TCEA3: variants seen among roughly 807,000 people sequenced by gnomAD.
The protein encoded by TCEA3 is transcription elongation factor A3.
TCEA3 carries 36 observed loss-of-function variants against 44.0 expected under a neutral mutation model. The ratio of observed to expected loss-of-function variants is 0.82; its 90% CI spans 0.63 to 1.08. TCEA3 has a LOEUF of 1.08. Ranked by LOEUF, TCEA3 falls within the 50% of genes least tolerant of loss-of-function variation. TCEA3 has a pLI of 0.00. For synonymous variants in TCEA3, 162 were observed against 159.7 expected (o/e 1.01, Z -0.11); for missense variants, 392 against 441.2 (o/e 0.89, Z 1.00).
intron 1 of TCEA3, among the ~76,000 whole-genome samples, chr1:23,420,193 G>A (rs1640015120): frequency 6.6e-6 from 1 of 152,220 alleles, no homozygotes; most frequent in Non-Finnish European, 1.5e-5. Flanking sequence ...TCGTGGATCA[G>A]TAGTTCCTTT....
At chr1:23,422,800 C>A (rs539049062) in intron 1 of TCEA3, among the ~76,000 whole-genome samples, 3 of 152,258 alleles carry the variant, frequency 2.0e-5, no homozygotes, top group East Asian at 3.9e-4. Context: ...AGAGGAAACT[C>A]GAGGTCCAGA....
chr1:23,408,791 G>A, intron 4 of TCEA3, 65 bp from the exon 5 acceptor site: 3 of 1,459,582 alleles, frequency 2.1e-6, no homozygotes, highest in Non-Finnish European at 1.9e-6. Context: ...CAGGAAGGTG[G>A]GGAGAAAGCA....
chr1:23,422,949 C>T (rs777077205), intron 1 of TCEA3, among the ~76,000 whole-genome samples: 3 of 152,208 alleles, frequency 2.0e-5, no homozygotes, highest in Non-Finnish European at 4.4e-5. Flanking sequence ...CCACCCTACC[C>T]CTCTTACCCA....
At chr1:23,410,677 G>A (rs972030193) in intron 4 of TCEA3, among the ~76,000 whole-genome samples, 1 of 151,892 alleles carries the variant, frequency 6.6e-6, no homozygotes, top group Non-Finnish European at 1.5e-5. Context: ...TGGTGTGCAC[G>A]TGTAATCCCA....
intron 1 of TCEA3, among the ~76,000 whole-genome samples, 189 bp downstream of exon 1, chr1:23,424,376 C>T (rs1640155610): frequency 1.3e-5 from 2 of 152,022 alleles, no homozygotes; most frequent in African/African-American, 4.8e-5. Flanking sequence ...GCCACGCACA[C>T]GCCCACCTCG....
intron 5 of TCEA3, among the ~76,000 whole-genome samples, chr1:23,408,220 C>A (rs534982419): frequency 2.0e-5 from 3 of 152,298 alleles, no homozygotes; most frequent in Admixed American, 2.0e-4. Flanking sequence ...CCTCGGCCTT[C>A]CAAAGTGCTG....
chr1:23,385,296 C>A (rs1387150884), intron 9 of TCEA3, among the ~76,000 whole-genome samples: 1 of 152,232 alleles, frequency 6.6e-6, no homozygotes, highest in Non-Finnish European at 1.5e-5. Context: ...ATGCCCGCCA[C>A]CCTCCTTGGG....
chr1:23,383,313 C>T (rs116215086), intron 10 of TCEA3: 14,127 of 547,338 alleles, frequency 0.026, 217 homozygotes, highest in South Asian at 0.057. Context: ...AAGAATTGAT[C>T]AGGAAGTCGG....
At chr1:23,404,795 CA>C (rs879548953) in intron 5 of TCEA3, among the ~76,000 whole-genome samples, 67 of 149,960 alleles carry the variant, frequency 4.5e-4, no homozygotes, top group African/African-American at 1.1e-3. Context: ...TCTGTCTCTA[CA>C]AAAAAAAAAT....
intron 1 of TCEA3, among the ~76,000 whole-genome samples, chr1:23,421,899 C>T (rs569944601): frequency 3.3e-5 from 5 of 152,294 alleles, no homozygotes; most frequent in South Asian, 2.1e-4. Flanking sequence ...GTGTATGCCT[C>T]GTGTGTCACA....
intron 9 of TCEA3, 112 bp from the exon 10 acceptor site, chr1:23,384,529 C>T: frequency 9.1e-7 from 1 of 1,099,994 alleles, no homozygotes; most frequent in South Asian, 1.6e-5. Flanking sequence ...CTGAGATTCC[C>T]ACCCCCCGCT....
rs781544040 is a variant in TCEA3, at chr1:23,401,968, G to A, written c.444-4013C>T. ...ACAAACCCTGGTCCATGGAAAAACC[G>A]TCTTCTATGAAACCAGTCCCTGGTG... On this transcript the variant is annotated intron_variant, in intron 5 of 10. Coordinates refer to ENST00000450454, the MANE Select transcript of TCEA3 (RefSeq NM_003196.3). 2.0e-5 allele frequency among the ~76,000 whole-genome samples: 3 copies of A among 152,166 alleles called. No homozygotes were observed. The East Asian group carries it at 5.8e-4, about 29-fold the overall frequency.
intron 5 of TCEA3, 96 bp from the exon 6 acceptor site, chr1:23,398,051 T>A: frequency 6.9e-7 from 1 of 1,441,418 alleles, no homozygotes. Context: ...TCTCCTATAA[T>A]CCTCATAACA....
chr1:23,399,128 ATATATATGTATATATG>A (rs1169516193), intron 5 of TCEA3, among the ~76,000 whole-genome samples: 21 of 86,968 alleles, frequency 2.4e-4, no homozygotes, highest in African/African-American at 9.2e-4. Flanking sequence ...GGTTTTGTTT[ATATATATGTATATATG>A]TATATATATA....
chr1:23,391,175 G>T (rs1639016788), intron 8 of TCEA3, among the ~76,000 whole-genome samples: 1 of 139,110 alleles, frequency 7.2e-6, no homozygotes, highest in African/African-American at 2.7e-5. Flanking sequence ...TTGAGATGGA[G>T]GATCTCAGCT....
chr1:23,399,136 GTATATATGTATATA>G (rs1403158194), intron 5 of TCEA3, among the ~76,000 whole-genome samples: 6 of 58,688 alleles, frequency 1.0e-4, no homozygotes, highest in Admixed American at 2.4e-4. Context: ...TTATATATAT[GTATATATGTATATA>G]TATATATATA....
At chr1:23,387,681 T>G (rs1320369265) in intron 8 of TCEA3, among the ~76,000 whole-genome samples, 1 of 152,132 alleles carries the variant, frequency 6.6e-6, no homozygotes, top group Non-Finnish European at 1.5e-5. Context: ...GGACGAGCAC[T>G]CCTGTGTACA....
At chr1:23,397,981 A>C in intron 5 of TCEA3, 26 bp from the exon 6 acceptor site, 2 of 1,611,684 alleles carry the variant, frequency 1.2e-6, no homozygotes, top group Non-Finnish European at 1.7e-6. Flanking sequence ...AGTAACAGAC[A>C]TTTGACATTA....
At chr1:23,412,128 T>C (rs1472652784) in intron 4 of TCEA3, 1 of 152,240 alleles carries the variant, frequency 6.6e-6, no homozygotes, top group East Asian at 1.9e-4. Flanking sequence ...TATTTCTGAG[T>C]GACCAGACAA....
Sources: gnomAD v4.1 joint callset for allele counts (sites outside exome capture counted in the v4.1 genomes callset) on GRCh38, gnomAD v4.1.1 for gene constraint, MANE v1.5 for transcripts, NCBI Gene and HGNC (gene_info 2026-07-23, HGNC 2026-07-21) for gene names.